The following CD1B variants were observed in gnomAD, a reference collection of about 807,000 sequenced individuals.
CD1B encodes T-cell surface glycoprotein CD1b.
A neutral mutation model predicts 39.8 loss-of-function variants in CD1B; 43 were observed. The observed-to-expected ratio is 1.08, with a 90% confidence interval of 0.85 to 1.39. The LOEUF is 1.39. Among genes scored for constraint, CD1B ranks in the 40% most tolerant of loss-of-function variants. The pLI is 0.00. For missense variants in CD1B, 495 were observed against 403.8 expected, an observed-to-expected ratio of 1.23 and a Z score of -1.94; for synonymous variants, 192 against 152.5, an observed-to-expected ratio of 1.26 and a Z score of -1.91.
At chr1:158,302,768 G>A in the CD1B span, among the ~76,000 whole-genome samples, 4 of 152,120 alleles carry the variant, frequency 2.6e-5, no homozygotes, top group African/African-American at 9.7e-5. Flanking sequence ...TCAATAATGA[G>A]TTCCAGAGTT....
At chr1:158,331,321 A>C in intron 1 of CD1B, 42 bp downstream of exon 1, 1 of 1,573,454 alleles carries the variant, frequency 6.4e-7, no homozygotes, top group Non-Finnish European at 8.7e-7. Context: ...TTAAAATCCA[A>C]ACCCCTGCAC....
At chr1:158,328,824 G>A in intron 5 of CD1B, 97 bp downstream of exon 5, 1 of 870,096 alleles carries the variant, frequency 1.1e-6, no homozygotes, top group Middle Eastern at 2.3e-4. Flanking sequence ...AAGGATTGAG[G>A]ATAAACAATT....
the CD1B span, among the ~76,000 whole-genome samples, chr1:158,308,752 T>C: frequency 2.0e-5 from 3 of 152,202 alleles, no homozygotes; most frequent in Non-Finnish European, 4.4e-5. Context: ...ATTTAATAAA[T>C]GGTGCTGGGA....
At chr1:158,293,426 G>C in the CD1B span, 1 of 1,612,748 alleles carries the variant, frequency 6.2e-7, no homozygotes, top group Non-Finnish European at 8.5e-7. Flanking sequence ...AACTTATTCA[G>C]GGTTTCTCCC....
At chr1:158,320,784 T>C in the CD1B span, among the ~76,000 whole-genome samples, 1 of 152,200 alleles carries the variant, frequency 6.6e-6, no homozygotes, top group Non-Finnish European at 1.5e-5. Flanking sequence ...GTTGTTCAGC[T>C]GTATGTTGTC....
the CD1B span, among the ~76,000 whole-genome samples, chr1:158,317,549 T>C: frequency 6.6e-6 from 1 of 152,206 alleles, no homozygotes; most frequent in Admixed American, 6.5e-5. Flanking sequence ...TTGATTCTTC[T>C]CTCTTTTTTT....
downstream of CD1B, among the ~76,000 whole-genome samples, chr1:158,325,615 G>T (rs1315963159): frequency 2.6e-5 from 4 of 151,490 alleles, 1 homozygote; most frequent in South Asian, 2.1e-4. Context: ...GATATATCTA[G>T]CTATCTGTCT....
At chr1:158,319,022 C>T in the CD1B span, among the ~76,000 whole-genome samples, 2 of 152,010 alleles carry the variant, frequency 1.3e-5, no homozygotes, top group East Asian at 3.9e-4. Context: ...AGGGTTTCTG[C>T]CAAGAGATCC....
the CD1B span, chr1:158,293,258 C>A: frequency 1.9e-6 from 3 of 1,614,104 alleles, no homozygotes; most frequent in South Asian, 3.3e-5. Context: ...TGATAGTGCC[C>A]TTGGTGATTC....
At chr1:158,312,589 T>A in the CD1B span, among the ~76,000 whole-genome samples, 1 of 152,336 alleles carries the variant, frequency 6.6e-6, no homozygotes, top group East Asian at 1.9e-4. Context: ...TTACATTTAT[T>A]CTTAAGTATC....
chr1:158,306,962 C>G, the CD1B span, among the ~76,000 whole-genome samples: 2 of 151,938 alleles, frequency 1.3e-5, no homozygotes, highest in Non-Finnish European at 2.9e-5. Context: ...GCACTAAATG[C>G]CCACTAGAGA....
At chr1:158,289,273 T>A in the CD1B span, among the ~76,000 whole-genome samples, 1 of 152,252 alleles carries the variant, frequency 6.6e-6, no homozygotes, top group Non-Finnish European at 1.5e-5. Context: ...TGTGTTTATA[T>A]GCCTAGTAAG....
the CD1B span, chr1:158,293,002 T>C: frequency 1.0e-6 from 1 of 962,952 alleles, no homozygotes; most frequent in Non-Finnish European, 1.5e-6. Context: ...ATTTAAAGAA[T>C]AGTGGAGTAA....
the CD1B span, among the ~76,000 whole-genome samples, chr1:158,298,860 G>T: frequency 2.0e-5 from 3 of 152,174 alleles, no homozygotes; most frequent in African/African-American, 4.8e-5. Context: ...TTTGCACGTT[G>T]ATTTTGTATC....
chr1:158,300,465 G>A, the CD1B span, among the ~76,000 whole-genome samples: 140 of 152,238 alleles, frequency 9.2e-4, 1 homozygote, highest in Non-Finnish European at 1.5e-3. Flanking sequence ...TGTTGATTTG[G>A]GGTAGAGAGT....
At chr1:158,313,510 C>T in the CD1B span, among the ~76,000 whole-genome samples, 1 of 152,042 alleles carries the variant, frequency 6.6e-6, no homozygotes, top group South Asian at 2.1e-4. Flanking sequence ...AAGGTTTCAT[C>T]ATGTTGACAG....
intron 1 of CD1B, 81 bp downstream of exon 1, chr1:158,331,282 A>G (rs1652592621): frequency 3.0e-6 from 4 of 1,337,612 alleles, no homozygotes; most frequent in South Asian, 2.4e-5. Flanking sequence ...TTAGTGTCCA[A>G]TTGCACCTAG....
At chr1:158,295,757 T>G in the CD1B span, among the ~76,000 whole-genome samples, 1 of 151,912 alleles carries the variant, frequency 6.6e-6, no homozygotes, top group Non-Finnish European at 1.5e-5. Context: ...CCTCAGATGT[T>G]CAACTGAGGC....
the CD1B span, among the ~76,000 whole-genome samples, chr1:158,297,269 A>C: frequency 6.6e-6 from 1 of 152,220 alleles, no homozygotes; most frequent in East Asian, 1.9e-4. Flanking sequence ...CAGAAACCTT[A>C]GAAGCCAGAA....
Sources: allele counts gnomAD v4.1 joint callset (sites outside exome capture counted in the v4.1 genomes callset), GRCh38; gene constraint gnomAD v4.1.1; transcripts MANE v1.5; gene names NCBI Gene and HGNC (gene_info 2026-07-23, HGNC 2026-07-21).